Variants in SEC24D observed in about 807,000 individuals in gnomAD.
SEC24D encodes SEC24 homolog D, COPII component.
In SEC24D, 69 loss-of-function variants were observed where a neutral mutation model predicts 116.9. The ratio of observed to expected loss-of-function variants is 0.59; its 90% CI spans 0.49 to 0.72. The LOEUF (loss-of-function observed/expected upper bound fraction) is 0.72. SEC24D is among the 30% of genes least tolerant of loss of function. The pLI is 0.00. For synonymous variants in SEC24D, 405 were observed against 442.8 expected, an observed-to-expected ratio of 0.91 and a Z score of 1.07; for missense variants, 1,131 against 1,264.1, an observed-to-expected ratio of 0.89 and a Z score of 1.60.
Position 118,764,864 on chromosome 4 carries a change from A to G in SEC24D, c.1234T>C (p.Tyr412His). ...LDHIGRRLDH[Y>H]EKPELSLGSY... ...CCTAGAGATAACTCTGGTTTCTCAT[A>G]GTGGTCCAGTCTTCTTCCAATGTGG... Residue 412 changes from tyrosine to histidine, a missense_variant, in exon 10 of 23, where the codon TAT becomes CAT. Tyr to His is a moderately conservative substitution (Grantham distance 83). Transcript: ENST00000280551. 3 of 1,611,706 alleles carry G rather than the reference A, an allele frequency of 1.9e-6. No individual in the cohort carries two copies. The highest frequency in any genetic ancestry group is 2.5e-6 in the Non-Finnish European group (3 of 1,178,024).
At chr4:118,828,889 T>C (rs113034745) in intron 2 of SEC24D, among the ~76,000 whole-genome samples, 7,328 of 152,272 alleles carry the variant, frequency 0.048, 212 homozygotes, top group Non-Finnish European at 0.064. Context: ...TCCCATGCTA[T>C]TCCCCAGCTA....
At chr4:118,778,237 T>C (rs1217099401) in intron 8 of SEC24D, among the ~76,000 whole-genome samples, 1 of 152,260 alleles carries the variant, frequency 6.6e-6, no homozygotes, top group Non-Finnish European at 1.5e-5. Context: ...TTTATGGTTT[T>C]AGGTCTAACA....
chr4:118,738,282 T>C lies in SEC24D; in HGVS notation c.2475A>G (p.Ala825=). 1.2e-6 allele frequency: 2 copies of C among 1,613,096 alleles called. No individual in the cohort carries two copies. Among genetic ancestry groups the C allele is most frequent in the Non-Finnish European group, 1.7e-6 (2 of 1,179,120 alleles). Reference sequence around the variant, plus strand: ...TCACCTGGCTTGCTGCAGAAGGACTTGCACAATTCTTCCGGTAACATGCCA... The same window carrying C: ...TCACCTGGCTTGCTGCAGAAGGACTCGCACAATTCTTCCGGTAACATGCCA... ...HMLACYRKNC[A]SPSAASQLIL... is the part of the protein sequence containing the mutation. The change falls in exon 19 of 23, where the codon GCA becomes GCG. Residue 825 remains alanine, a synonymous_variant. Transcript: ENST00000280551.
At chr4:118,769,721 C>T (rs973103986) in intron 8 of SEC24D, 1 of 152,150 alleles carries the variant, frequency 6.6e-6, no homozygotes, top group African/African-American at 2.4e-5. Flanking sequence ...TTTCTTTAAT[C>T]ATTCCCCTCT....
At chr4:118,819,739 C>T (rs114587560) in intron 3 of SEC24D, among the ~76,000 whole-genome samples, 6,649 of 152,102 alleles carry the variant, frequency 0.044, 202 homozygotes, top group Non-Finnish European at 0.064. Flanking sequence ...TTCATAAATG[C>T]TAGTACTTTT....
At chr4:118,770,256 A>G (rs1051676871) in intron 8 of SEC24D, among the ~76,000 whole-genome samples, 1 of 152,186 alleles carries the variant, frequency 6.6e-6, no homozygotes, top group Non-Finnish European at 1.5e-5. Context: ...AAAGGCATAT[A>G]GTGACAAATG....
At chr4:118,826,235 A>G (rs1314331855) in intron 2 of SEC24D, among the ~76,000 whole-genome samples, 1 of 152,172 alleles carries the variant, frequency 6.6e-6, no homozygotes, top group Non-Finnish European at 1.5e-5. Flanking sequence ...AGTTAGAAAA[A>G]CATGAGACTT....
intron 8 of SEC24D, among the ~76,000 whole-genome samples, chr4:118,790,324 T>C (rs1728841176): frequency 6.6e-6 from 1 of 152,196 alleles, no homozygotes; most frequent in Non-Finnish European, 1.5e-5. Context: ...CTTAATTGCA[T>C]GTATAATTAG....
At chr4:118,810,615 T>G (rs569206826) in intron 6 of SEC24D, among the ~76,000 whole-genome samples, 1 of 152,344 alleles carries the variant, frequency 6.6e-6, no homozygotes, top group Admixed American at 6.5e-5. Flanking sequence ...AAGAGCTTGT[T>G]GAAACACAGA....
intron 2 of SEC24D, among the ~76,000 whole-genome samples, chr4:118,829,177 T>G (rs554484900): frequency 6.6e-6 from 1 of 152,366 alleles, no homozygotes; most frequent in East Asian, 1.9e-4. Context: ...CTTATTTTAT[T>G]AAGTGTCATA....
At chr4:118,784,134 G>A (rs1257042547) in intron 8 of SEC24D, among the ~76,000 whole-genome samples, 2 of 152,176 alleles carry the variant, frequency 1.3e-5, no homozygotes, top group African/African-American at 4.8e-5. Flanking sequence ...GAGTTAATTT[G>A]ATTTGGGCAC....
intron 4 of SEC24D, among the ~76,000 whole-genome samples, chr4:118,817,015 A>G (rs1052322444): frequency 6.6e-6 from 1 of 152,134 alleles, no homozygotes; most frequent in Non-Finnish European, 1.5e-5. Flanking sequence ...GTCTTTTCTT[A>G]TTGTTCAATC....
intron 8 of SEC24D, among the ~76,000 whole-genome samples, chr4:118,783,393 A>G (rs182406545): frequency 2.0e-3 from 297 of 152,234 alleles, no homozygotes; most frequent in Non-Finnish European, 3.3e-3. Context: ...AGACCTAGAT[A>G]ACCTTCTTAC....
intron 2 of SEC24D, among the ~76,000 whole-genome samples, chr4:118,829,349 C>T (rs557537691): frequency 6.6e-6 from 1 of 152,030 alleles, no homozygotes; most frequent in East Asian, 1.9e-4. Context: ...CCCATCTCTA[C>T]AAAAAATTTT....
chr4:118,734,805 C>G (rs1442859507), intron 19 of SEC24D, among the ~76,000 whole-genome samples: 1 of 152,178 alleles, frequency 6.6e-6, no homozygotes, highest in African/African-American at 2.4e-5. Context: ...GTAGAACACT[C>G]TCTTCTAATT....
chr4:118,790,562 G>A (rs1223354869), intron 8 of SEC24D, among the ~76,000 whole-genome samples: 1 of 152,016 alleles, frequency 6.6e-6, no homozygotes, highest in East Asian at 1.9e-4. Context: ...TACTGGCTGT[G>A]GGGATGGGTT....
At chr4:118,746,625 A>G (rs181433478) in intron 13 of SEC24D, among the ~76,000 whole-genome samples, 29 of 152,038 alleles carry the variant, frequency 1.9e-4, no homozygotes, top group Admixed American at 1.9e-3. Flanking sequence ...CTTTCCTGGG[A>G]TACACCACAT....
chr4:118,744,795 T>C (rs1336419535), intron 14 of SEC24D, 149 bp downstream of exon 14: 5 of 524,946 alleles, frequency 9.5e-6, no homozygotes, highest in African/African-American at 2.0e-5. Flanking sequence ...TTAAGTTGTC[T>C]GTAATCCAAA....
intron 8 of SEC24D, among the ~76,000 whole-genome samples, chr4:118,775,538 G>T (rs1728093160): frequency 6.6e-6 from 1 of 152,022 alleles, no homozygotes; most frequent in Admixed American, 6.6e-5. Context: ...GCCTTGAACA[G>T]CTGGGATGAA....
Sources: allele counts gnomAD v4.1 joint callset (sites outside exome capture counted in the v4.1 genomes callset), GRCh38; gene constraint gnomAD v4.1.1; transcripts MANE v1.5; gene names NCBI Gene and HGNC (gene_info 2026-07-23, HGNC 2026-07-21).